WDFY3: variants seen among roughly 807,000 people sequenced by gnomAD.
WDFY3 encodes WD repeat and FYVE domain-containing protein 3.
A neutral mutation model predicts 409.6 loss-of-function variants in WDFY3; 66 were observed. The observed-to-expected ratio is 0.16, with a 90% CI of 0.13 to 0.20. The LOEUF (loss-of-function observed/expected upper bound fraction) is 0.20, where lower values mean the gene tolerates loss of function less well. Ranked by LOEUF, WDFY3 falls within the 10% of genes least tolerant of loss-of-function variation. The pLI is 1.00. For synonymous variants in WDFY3, 1,521 were observed against 1,537.1 expected (o/e 0.99, Z 0.25); for missense variants, 3,031 against 4,298.1 (o/e 0.71, Z 8.24).
rs1191400227 is a variant in WDFY3 at position 84,669,829 on chromosome 4, A to T, written c.*3039T>A. On this transcript the variant is annotated 3_prime_UTR_variant, in exon 68 of 68. Coordinates refer to ENST00000295888, the MANE Select transcript of WDFY3 (RefSeq NM_014991.6). The stretch of plus-strand genomic sequence containing the variant: ...CTTCAATTTACTTCTGTTGCTGTAC[A>T]AATAATTGGCCATTACTAGGGCTTA... 6.6e-6 allele frequency: 1 copy of T among 152,116 alleles called. No homozygotes were observed. The highest frequency in any genetic ancestry group is 1.5e-5 in the Non-Finnish European group (1 of 67,982). The allele number at this position is 152,116 out of a possible 1,614,324, so 9.4% of individuals were successfully genotyped here.
chr4:84,949,744 C>T (rs1474634053), intron 1 of WDFY3, among the ~76,000 whole-genome samples: 2 of 152,108 alleles, frequency 1.3e-5, no homozygotes, highest in Non-Finnish European at 2.9e-5. Flanking sequence ...TGATTCCTAG[C>T]TAAAGATCAA....
At chr4:84,735,224 A>C in intron 42 of WDFY3, 104 bp from the exon 43 acceptor site, 3 of 1,051,890 alleles carry the variant, frequency 2.9e-6, no homozygotes, top group Non-Finnish European at 2.7e-6. Context: ...AAATTCTGCC[A>C]AAAGCACCAA....
At chr4:84,680,476 T>C (rs1168436414) in intron 64 of WDFY3, among the ~76,000 whole-genome samples, 2 of 152,182 alleles carry the variant, frequency 1.3e-5, no homozygotes, top group Admixed American at 6.6e-5. Flanking sequence ...AATTATTCTA[T>C]GAAAGCCTTA....
chr4:84,904,740 C>G (rs972347602), intron 2 of WDFY3, among the ~76,000 whole-genome samples: 2 of 152,222 alleles, frequency 1.3e-5, no homozygotes, highest in Admixed American at 1.3e-4. Context: ...CTTATTCACT[C>G]TACAACTTTA....
At chr4:84,748,198 C>T (rs1456787211) in intron 36 of WDFY3, among the ~76,000 whole-genome samples, 1 of 152,126 alleles carries the variant, frequency 6.6e-6, no homozygotes, top group Non-Finnish European at 1.5e-5. Flanking sequence ...TCTCCAGGCA[C>T]CCTTGTAGAA....
At chr4:84,712,602 T>C (rs1733112494) in intron 51 of WDFY3, among the ~76,000 whole-genome samples, 3 of 151,004 alleles carry the variant, frequency 2.0e-5, no homozygotes, top group Admixed American at 6.6e-5. Flanking sequence ...GCACCTATTA[T>C]CCCAGCTACT....
intron 13 of WDFY3, among the ~76,000 whole-genome samples, chr4:84,810,845 T>A (rs573517767): frequency 1.3e-5 from 2 of 152,190 alleles, no homozygotes; most frequent in Non-Finnish European, 1.5e-5. Flanking sequence ...AGAAGACTTA[T>A]TAAACATTCT....
intron 3 of WDFY3, among the ~76,000 whole-genome samples, chr4:84,872,873 G>A (rs1200957289): frequency 6.6e-6 from 1 of 152,120 alleles, no homozygotes; most frequent in Admixed American, 6.5e-5. Context: ...AAAAAAAGCA[G>A]GATGCAGTAG....
intron 23 of WDFY3, among the ~76,000 whole-genome samples, chr4:84,787,102 ATGTG>A (rs1412376875): frequency 6.6e-6 from 1 of 152,190 alleles, no homozygotes; most frequent in Non-Finnish European, 1.5e-5. Flanking sequence ...TCTAGAGAAT[ATGTG>A]TGTGTGTTTA....
intron 24 of WDFY3, among the ~76,000 whole-genome samples, chr4:84,785,312 A>G (rs755323379): frequency 1.1e-4 from 16 of 152,042 alleles, no homozygotes; most frequent in Non-Finnish European, 1.9e-4. Context: ...GGGCCTTTGC[A>G]CTTGTATTCC....
chr4:84,966,055 C>T (rs1261264502), intron 1 of WDFY3, among the ~76,000 whole-genome samples, 154 bp downstream of exon 1: 2 of 151,924 alleles, frequency 1.3e-5, no homozygotes, highest in Admixed American at 1.3e-4. Context: ...AGGACAGCAG[C>T]TGGGCCGCGG....
At chr4:84,933,829 C>T (rs959430155) in intron 1 of WDFY3, among the ~76,000 whole-genome samples, 2 of 152,116 alleles carry the variant, frequency 1.3e-5, no homozygotes, top group Non-Finnish European at 2.9e-5. Context: ...CCTCCAGTTT[C>T]ATCTATGTTG....
chr4:84,751,566 C>T lies in WDFY3; in HGVS notation c.5890G>A (p.Asp1964Asn), dbSNP rs533113023. The change falls in exon 36 of 68, where the codon GAC becomes AAC. Residue 1964 changes from aspartate to asparagine, a missense_variant. By Grantham distance (23) the Asp-to-Asn change is conservative. Transcript: ENST00000295888. ...TCTATGATTAAGACCCGCATGAAGT[C>T]AAAAACGAACTTTTTAGCCGGGTGA... Reference protein sequence around the residue: ...TNHPAKKFVFDFMRVLIIDNL... With the variant: ...TNHPAKKFVFNFMRVLIIDNL... 6.2e-7 allele frequency: 1 copy of T among 1,614,128 alleles called. No individual in the cohort carries two copies. Among genetic ancestry groups the T allele is most frequent in the African/African-American group, 1.3e-5 (1 of 75,026 alleles).
intron 36 of WDFY3, among the ~76,000 whole-genome samples, chr4:84,748,746 C>T (rs1210615111): frequency 1.3e-5 from 2 of 152,150 alleles, no homozygotes; most frequent in Non-Finnish European, 2.9e-5. Context: ...TAGGTATAAT[C>T]AAGTAAGTAG....
intron 32 of WDFY3, among the ~76,000 whole-genome samples, chr4:84,759,280 G>A (rs1299701899): frequency 1.3e-5 from 2 of 152,060 alleles, no homozygotes; most frequent in African/African-American, 2.4e-5. Flanking sequence ...TTGACTTGGG[G>A]ATGCGGGCTC....
chr4:84,920,220 T>C (rs1769094863), intron 2 of WDFY3, among the ~76,000 whole-genome samples: 1 of 152,164 alleles, frequency 6.6e-6, no homozygotes, highest in Non-Finnish European at 1.5e-5. Flanking sequence ...GACTAATTCC[T>C]ACACTGGAGG....
intron 2 of WDFY3, among the ~76,000 whole-genome samples, chr4:84,926,917 A>G (rs1770069868): frequency 6.6e-6 from 1 of 152,246 alleles, no homozygotes; most frequent in Non-Finnish European, 1.5e-5. Context: ...CTACAGGCAT[A>G]CCAAAAGAAA....
chr4:84,751,351 A>T (rs991761424), intron 36 of WDFY3, 132 bp downstream of exon 36: 25 of 917,970 alleles, frequency 2.7e-5, no homozygotes, highest in Non-Finnish European at 3.0e-5. Context: ...AACTTTCCAC[A>T]GCCTATAACA....
At chr4:84,774,741 A>G (rs1361182845) in intron 29 of WDFY3, 79 bp downstream of exon 29, 3 of 1,449,394 alleles carry the variant, frequency 2.1e-6, no homozygotes, top group Non-Finnish European at 2.8e-6. Flanking sequence ...ATAAAAACCA[A>G]TTAAATTCAT....
Sources: allele counts gnomAD v4.1 joint callset (sites outside exome capture counted in the v4.1 genomes callset), GRCh38; gene constraint gnomAD v4.1.1; transcripts MANE v1.5; gene names NCBI Gene and HGNC (gene_info 2026-07-23, HGNC 2026-07-21).